RPH3A: variants seen among roughly 807,000 people sequenced by gnomAD.
RPH3A encodes the protein rabphilin 3A, also known as rabphilin-3A.
Under a neutral mutation model 102.2 loss-of-function variants are expected in RPH3A, and 48 were observed. The observed-to-expected ratio is 0.47, with a 90% CI of 0.37 to 0.60. The LOEUF (loss-of-function observed/expected upper bound fraction) is 0.60, where lower values mean the gene tolerates loss of function less well. Ranked by LOEUF, RPH3A falls within the 20% of genes least tolerant of loss-of-function variation. The pLI, the probability that RPH3A is intolerant of heterozygous loss-of-function variation, is 0.00. For missense variants in RPH3A, 781 were observed against 910.1 expected, an observed-to-expected ratio of 0.86 and a Z score of 1.83; for synonymous variants, 310 against 324.3, an observed-to-expected ratio of 0.96 and a Z score of 0.47.
intron 4 of RPH3A, among the ~76,000 whole-genome samples, chr12:112,846,977 C>T (rs1278119080): frequency 6.6e-6 from 1 of 152,172 alleles, no homozygotes; most frequent in Admixed American, 6.5e-5. Context: ...ATGCCTCAGC[C>T]TCCTCACCAG....
At chr12:112,601,601 G>A (rs1160909474) in intron 1 of RPH3A, among the ~76,000 whole-genome samples, 2 of 152,132 alleles carry the variant, frequency 1.3e-5, no homozygotes, top group Non-Finnish European at 2.9e-5. Flanking sequence ...AATATGCACA[G>A]CAACTACATA....
intron 5 of RPH3A, among the ~76,000 whole-genome samples, chr12:112,859,327 C>A (rs113151829): frequency 0.018 from 2,692 of 152,222 alleles, 98 homozygotes; most frequent in African/African-American, 0.061. Context: ...GGATTCAAAC[C>A]CGTGGCTTTT....
rs183489529 is a variant in RPH3A at position 112,714,739 on chromosome 12, C to A, written c.-139-77404C>A. On this transcript the variant is annotated intron_variant, in intron 1 of 21. Coordinates refer to the RPH3A transcript ENST00000543106. ...GGATTGATTGGAATCGATGGAGTGA[C>A]GGTTGAGGATTTAAGGCCACACTCA... 4.6e-3 allele frequency among the ~76,000 whole-genome samples: 701 copies of A among 152,122 alleles called. 3 individuals are homozygous for A. Among genetic ancestry groups the A allele is most frequent in the Non-Finnish European group, 4.8e-3 (325 of 68,006 alleles).
intron 1 of RPH3A, among the ~76,000 whole-genome samples, chr12:112,677,419 T>G (rs34272520): frequency 4.6e-5 from 1 of 21,920 alleles, no homozygotes; most frequent in Non-Finnish European, 9.2e-5. Flanking sequence ...CCTTCCCTCC[T>G]TCCTTCCTTC....
chr12:112,840,419 G>A (rs1405473769), intron 4 of RPH3A, among the ~76,000 whole-genome samples: 2 of 152,048 alleles, frequency 1.3e-5, no homozygotes, highest in Non-Finnish European at 2.9e-5. Flanking sequence ...CCAAATATTA[G>A]ATCTTATTCC....
chr12:112,669,322 A>G (rs943313862), intron 1 of RPH3A, among the ~76,000 whole-genome samples: 1 of 152,234 alleles, frequency 6.6e-6, no homozygotes, highest in African/African-American at 2.4e-5. Context: ...TTGTATCAAA[A>G]CATCACATAT....
intron 1 of RPH3A, among the ~76,000 whole-genome samples, chr12:112,640,159 A>G (rs987716098): frequency 6.7e-6 from 1 of 149,514 alleles, no homozygotes; most frequent in African/African-American, 2.5e-5. Flanking sequence ...CGTCTCTACT[A>G]AAAAAAAATA....
At chr12:112,895,639 C>CG in intron 20 of RPH3A, 138 bp from the exon 21 acceptor site, 1 of 606,140 alleles carries the variant, frequency 1.6e-6, no homozygotes, top group Non-Finnish European at 3.0e-6. Context: ...AGGATCGGCA[C>CG]GGGAAGACCT....
At chr12:112,851,236 T>C (rs1317126937) in intron 5 of RPH3A, among the ~76,000 whole-genome samples, 1 of 152,174 alleles carries the variant, frequency 6.6e-6, no homozygotes, top group Non-Finnish European at 1.5e-5. Context: ...AACCGAAGCT[T>C]AGAGAGTTTA....
At chr12:112,824,192 T>C (rs1000603323) in intron 2 of RPH3A, among the ~76,000 whole-genome samples, 3 of 152,144 alleles carry the variant, frequency 2.0e-5, no homozygotes, top group Admixed American at 6.5e-5. Context: ...CTCAGCCCAA[T>C]CCTCAGGGAG....
intron 1 of RPH3A, among the ~76,000 whole-genome samples, chr12:112,611,922 G>T (rs999856759): frequency 1.3e-5 from 2 of 152,058 alleles, no homozygotes; most frequent in Non-Finnish European, 2.9e-5. Flanking sequence ...AATTTAAATG[G>T]ATGTGCTTAT....
intron 2 of RPH3A, among the ~76,000 whole-genome samples, chr12:112,814,573 G>T (rs970893001): frequency 6.6e-6 from 1 of 152,152 alleles, no homozygotes; most frequent in African/African-American, 2.4e-5. Context: ...GGTCTGGCTG[G>T]GTGGCCAGGT....
chr12:112,803,218 A>C (rs2041388087), intron 2 of RPH3A, among the ~76,000 whole-genome samples: 2 of 152,244 alleles, frequency 1.3e-5, no homozygotes, highest in Middle Eastern at 3.4e-3. Context: ...ACCTGCTTCC[A>C]GTGTTACATC....
intron 1 of RPH3A, among the ~76,000 whole-genome samples, chr12:112,615,108 C>T (rs1209339248): frequency 6.6e-6 from 1 of 152,142 alleles, no homozygotes; most frequent in Admixed American, 6.5e-5. Context: ...TGTGTATTCC[C>T]TATAATATTC....
intron 6 of RPH3A, among the ~76,000 whole-genome samples, chr12:112,866,241 C>T (rs926548397): frequency 2.6e-5 from 4 of 152,146 alleles, no homozygotes; most frequent in African/African-American, 4.8e-5. Context: ...CCAGTCAACT[C>T]GATAGCGAGA....
At chr12:112,758,929 C>A (rs910277223) in intron 1 of RPH3A, among the ~76,000 whole-genome samples, 1 of 152,156 alleles carries the variant, frequency 6.6e-6, no homozygotes, top group Non-Finnish European at 1.5e-5. Flanking sequence ...AAATATGGCG[C>A]TTCCTGGTCA....
At chr12:112,779,804 C>T (rs2040994497) in intron 1 of RPH3A, among the ~76,000 whole-genome samples, 1 of 152,126 alleles carries the variant, frequency 6.6e-6, no homozygotes, top group East Asian at 1.9e-4. Flanking sequence ...CAGATATAAA[C>T]ACTCAGGTTA....
In RPH3A at chr12:112,823,966, T is replaced by C. The variant is rs146220137; in HGVS notation, c.-18-4335T>C. On this transcript the variant is annotated intron_variant, in intron 2 of 21. Coordinates refer to ENST00000389385, the MANE Select transcript of RPH3A (RefSeq NM_001143854.2). ...AGCTAAGTGACCACTAGGGGTGATG[T>C]AATGAGCTCGTGGAGCAGAACCATG... is the stretch of plus-strand genomic sequence containing the variant. Among the ~76,000 whole-genome samples, 617 of 152,332 alleles carry C rather than the reference T, an allele frequency of 4.1e-3. 3 individuals are homozygous for C. Among genetic ancestry groups the C allele is most frequent in the African/African-American group, 0.014 (589 of 41,572 alleles).
intron 2 of RPH3A, among the ~76,000 whole-genome samples, chr12:112,804,216 G>A (rs1182342975): frequency 6.6e-6 from 1 of 152,230 alleles, no homozygotes; most frequent in Non-Finnish European, 1.5e-5. Flanking sequence ...AGGGATGACA[G>A]TGGCCAAACC....
Sources: allele counts gnomAD v4.1 joint callset (sites outside exome capture counted in the v4.1 genomes callset), GRCh38; gene constraint gnomAD v4.1.1; transcripts MANE v1.5; gene names NCBI Gene and HGNC (gene_info 2026-07-23, HGNC 2026-07-21).